Variants in CCDC80 observed in about 807,000 individuals in gnomAD.
CCDC80 encodes the protein coiled-coil domain containing 80, also known as coiled-coil domain-containing protein 80.
CCDC80 carries 49 observed loss-of-function variants against 78.7 expected under a neutral mutation model. The ratio of observed to expected loss-of-function variants is 0.62; its 90% confidence interval spans 0.50 to 0.79. The LOEUF (loss-of-function observed/expected upper bound fraction) is 0.79, where lower values mean the gene tolerates loss of function less well. Ranked by LOEUF, CCDC80 falls within the 30% of genes least tolerant of loss-of-function variation. The probability of loss-of-function intolerance (pLI) is 0.00; values close to 1 mark genes in which losing one functional copy is unlikely to be tolerated. For synonymous variants in CCDC80, 488 were observed against 447.0 expected, an observed-to-expected ratio of 1.09 and a Z score of -1.16; for missense variants, 1,205 against 1,198.6, an observed-to-expected ratio of 1.01 and a Z score of -0.08.
intron 3 of CCDC80, among the ~76,000 whole-genome samples, chr3:112,625,499 T>C (rs190200152): frequency 6.6e-6 from 1 of 152,192 alleles, no homozygotes; most frequent in Non-Finnish European, 1.5e-5. Flanking sequence ...GAACAAAATA[T>C]TGAAAATAGT....
intron 2 of CCDC80, 69 bp downstream of exon 2, chr3:112,637,959 A>G: frequency 2.0e-6 from 3 of 1,530,188 alleles, no homozygotes; most frequent in African/African-American, 2.8e-5. Context: ...TTTTTACAAA[A>G]CTAACAAGAC....
chr3:112,624,635 CCATTCCTGAT>C (rs1047803527), intron 3 of CCDC80, among the ~76,000 whole-genome samples: 12 of 152,128 alleles, frequency 7.9e-5, no homozygotes, highest in Non-Finnish European at 1.5e-4. Flanking sequence ...ACTACCCTGG[CCATTCCTGAT>C]CACTTTTTCT....
chr3:112,607,942 G>T (rs1046832622), intron 6 of CCDC80, among the ~76,000 whole-genome samples: 3 of 152,212 alleles, frequency 2.0e-5, no homozygotes, highest in African/African-American at 7.2e-5. Context: ...AATTGAAATT[G>T]TTCTGCTTCC....
rs776591924 is a variant in CCDC80 at position 112,639,058 on chromosome 3, G to A, written c.848C>T (p.Ala283Val). ...RQKGFVQKCK[A>V]SGVEGQVVAE... ...CACCACCTGGCCCTCTACACCAGAG[G>A]CCTTACATTTCTGGACAAAGCCCTT... The change falls in exon 2 of 8, where the codon GCC becomes GTC. Residue 283 changes from alanine (A) to valine (V), a missense_variant. Transcript: ENST00000206423. 5.0e-6 allele frequency: 8 copies of A among 1,612,544 alleles called. No homozygotes were observed. The South Asian group carries it at 8.8e-5, about 18-fold the overall frequency.
rs1935333526 is a variant in CCDC80 at position 112,599,168 on chromosome 3, G to A, written c.*6249C>T. The A allele has an allele frequency of 6.6e-6, 1 of 152,200 alleles. No individual in the cohort carries two copies. Among genetic ancestry groups the A allele is most frequent in the Non-Finnish European group, 1.5e-5 (1 of 68,046 alleles). 9.4% of individuals were successfully genotyped at this position (152,200 alleles called of 1,614,324 possible). On this transcript the variant is annotated 3_prime_UTR_variant, in exon 8 of 8. Coordinates refer to ENST00000206423, the MANE Select transcript of CCDC80 (RefSeq NM_199511.3). ...AAAACATCTCACCTCCAGTCACACA[G>A]GTAAGTACATGGCAGGGCAAGGACA... is the stretch of plus-strand genomic sequence containing the variant.
At chr3:112,615,561 A>C (rs1935716176) in intron 5 of CCDC80, among the ~76,000 whole-genome samples, 1 of 152,184 alleles carries the variant, frequency 6.6e-6, no homozygotes, top group Non-Finnish European at 1.5e-5. Flanking sequence ...AAACCAAAGC[A>C]ACTCCATCTT....
chr3:112,630,224 G>C lies in CCDC80; in HGVS notation c.1924C>G (p.Arg642Gly), dbSNP rs146397471. The change falls in exon 3 of 8, where the codon CGT becomes GGT. Residue 642 changes from arginine (R) to glycine (G), a missense_variant. By Grantham distance (125) the Arg-to-Gly change is moderately radical. Coordinates refer to ENST00000206423, the MANE Select transcript of CCDC80 (RefSeq NM_199511.3). The stretch of plus-strand genomic sequence containing the variant: ...CAGAAACTTTCCAGATATTCATCAC[G>C]TTGTTGCACATACATATTGTTCTCA... ...KAENNMYVQQ[R>G]DEYLESFCKM... The C allele has an allele frequency of 6.2e-7, 1 of 1,613,832 alleles. No individual in the cohort carries two copies. Among genetic ancestry groups the C allele is most frequent in the Non-Finnish European group, 8.5e-7 (1 of 1,179,796 alleles).
intron 2 of CCDC80, among the ~76,000 whole-genome samples, chr3:112,632,953 G>T (rs1239711447): frequency 1.3e-5 from 2 of 152,170 alleles, no homozygotes; most frequent in Non-Finnish European, 2.9e-5. Flanking sequence ...ATCTTGGGCA[G>T]AGAGGCATAG....
Position 112,639,890 on chromosome 3 carries a change from C to T in CCDC80, c.16G>A (p.Gly6Arg), listed in dbSNP as rs758834358. The T allele has an allele frequency of 1.2e-6, 2 of 1,613,942 alleles. No homozygotes were observed. The highest frequency in any genetic ancestry group is 2.7e-5 in the African/African-American group (2 of 75,012). MTWRM[G>R]PRFTMLLAMW... ...GCCAACAGCATAGTGAAACGGGGTCCCATTCTCCATGTCATTGTGTAATCC... is the reference window on the plus strand; with the variant it reads ...GCCAACAGCATAGTGAAACGGGGTCTCATTCTCCATGTCATTGTGTAATCC... The change falls in exon 2 of 8, where the codon GGA becomes AGA. Residue 6 changes from glycine to arginine, a missense_variant. By Grantham distance (125) the Gly-to-Arg change is moderately radical. Coordinates refer to ENST00000206423, the MANE Select transcript of CCDC80 (RefSeq NM_199511.3).
At chr3:112,610,313 G>A (rs1935599407) in intron 5 of CCDC80, 1 of 520,274 alleles carries the variant, frequency 1.9e-6, no homozygotes, top group Non-Finnish European at 3.5e-6. Context: ...TGCATGACGT[G>A]TCAAGCATGA....
At chr3:112,622,020 C>G (rs778534364) in intron 3 of CCDC80, among the ~76,000 whole-genome samples, 2 of 152,138 alleles carry the variant, frequency 1.3e-5, no homozygotes, top group Non-Finnish European at 2.9e-5. Context: ...GTCACAGACC[C>G]TGAGAGGAGG....
Position 112,616,721 on chromosome 3 carries a change from G to T in CCDC80, c.2310C>A (p.Asn770Lys), listed in dbSNP as rs767760044. The change falls in exon 5 of 8, where the codon AAC becomes AAA. Residue 770 changes from asparagine to lysine, a missense_variant. Coordinates refer to ENST00000206423, the MANE Select transcript of CCDC80 (RefSeq NM_199511.3). ...CKEDKKQSLE[N>K]FLSRFRWRRR... The stretch of plus-strand genomic sequence containing the variant: ...CAAAGGTGATGTACCTGGATAGGAA[G>T]TTCTCCAGGGACTGCTTTTTGTCCT... The T allele has an allele frequency of 2.5e-6, 4 of 1,614,162 alleles. No individual in the cohort carries two copies. The highest frequency in any genetic ancestry group is 4.5e-5 in the East Asian group (2 of 44,876).
chr3:112,620,611 T>A (rs916810870), intron 3 of CCDC80, among the ~76,000 whole-genome samples: 2 of 152,116 alleles, frequency 1.3e-5, no homozygotes, highest in Non-Finnish European at 2.9e-5. Context: ...GAAATACACA[T>A]AGGAAAAAGT....
chr3:112,611,614 G>T (rs1269304417), intron 5 of CCDC80, among the ~76,000 whole-genome samples: 1 of 152,202 alleles, frequency 6.6e-6, no homozygotes, highest in Non-Finnish European at 1.5e-5. Flanking sequence ...TCTGACTCCA[G>T]GTCCAGCGGT....
intron 3 of CCDC80, among the ~76,000 whole-genome samples, chr3:112,629,125 A>T (rs1321482568): frequency 1.3e-5 from 2 of 152,180 alleles, no homozygotes; most frequent in South Asian, 4.1e-4. Context: ...CTGTGTGATA[A>T]TGTTATGTGT....
Position 112,639,530 on chromosome 3 carries a change from G to T in CCDC80, c.376C>A (p.Arg126=). The change falls in exon 2 of 8, where the codon CGG becomes AGG. Residue 126 remains arginine, a synonymous_variant. Transcript: ENST00000206423. ...GAAGGGAAACGCAACATTCTTGACC[G>T]AGCTGAGGACCCCTCATCTCTGATC... The part of the protein sequence containing the change: ...EMIRDEGSSA[R]SRMLRFPSGS... 6.2e-7 allele frequency: 1 copy of T among 1,614,166 alleles called. No homozygotes were observed.
intron 6 of CCDC80, among the ~76,000 whole-genome samples, chr3:112,609,262 A>G (rs1437410682): frequency 6.6e-6 from 1 of 152,206 alleles, no homozygotes; most frequent in Non-Finnish European, 1.5e-5. Context: ...ATATATCCAT[A>G]TCCAAAATGA....
chr3:112,624,514 T>C (rs1250438893), intron 3 of CCDC80, among the ~76,000 whole-genome samples: 3 of 152,218 alleles, frequency 2.0e-5, no homozygotes, highest in East Asian at 3.8e-4. Flanking sequence ...TGGATAAGTT[T>C]AAATTACTTT....
In CCDC80 at chr3:112,604,085, C is replaced by T. The variant is rs1411354169; in HGVS notation, c.*1332G>A. The stretch of plus-strand genomic sequence containing the variant: ...TGAAGACTTGCTTCTTATGAATGAA[C>T]GAAGAAAGTGATTTCTTGAGATGGA... On this transcript the variant is annotated 3_prime_UTR_variant, in exon 8 of 8. Transcript: ENST00000206423. 2 of 152,174 alleles carry T rather than the reference C, an allele frequency of 1.3e-5. No homozygotes were observed. The highest frequency in any genetic ancestry group is 2.1e-4 in the South Asian group (1 of 4,832). 9.4% of individuals were successfully genotyped at this position (152,174 alleles called of 1,614,324 possible). A position where few individuals can be genotyped will look rare whatever the true frequency, so the allele number is the denominator to read the frequency against.
Sources: gnomAD v4.1 joint callset for allele counts (sites outside exome capture counted in the v4.1 genomes callset) on GRCh38, gnomAD v4.1.1 for gene constraint, MANE v1.5 for transcripts, NCBI Gene and HGNC (gene_info 2026-07-23, HGNC 2026-07-21) for gene names.